ZNF169: variants seen among roughly 807,000 people sequenced by gnomAD.
ZNF169 encodes zinc finger protein 169.
In ZNF169, 11 loss-of-function variants were observed where a neutral mutation model predicts 12.0. That is an observed-to-expected ratio of 0.92 (90% confidence interval 0.58 to 1.52). The LOEUF (loss-of-function observed/expected upper bound fraction) is 1.52, where lower values mean the gene tolerates loss of function less well. ZNF169 is among the 40% of genes most tolerant of loss of function. The probability of loss-of-function intolerance (pLI) is 0.00; values close to 1 mark genes in which losing one functional copy is unlikely to be tolerated. For synonymous variants in ZNF169, 302 were observed against 286.5 expected (o/e 1.05, Z -0.55); for missense variants, 722 against 744.0 (o/e 0.97, Z 0.34).
chr9:94,286,323 G>T (rs1043976118), intron 2 of ZNF169, among the ~76,000 whole-genome samples: 4 of 152,090 alleles, frequency 2.6e-5, no homozygotes, highest in African/African-American at 9.6e-5. Flanking sequence ...ATTTTGTTTT[G>T]CATCCTTTCA....
intron 1 of ZNF169, among the ~76,000 whole-genome samples, chr9:94,261,098 G>T (rs1339127326): frequency 6.6e-6 from 1 of 151,496 alleles, no homozygotes; most frequent in African/African-American, 2.4e-5. Context: ...GTGGGGTGGC[G>T]CGGCGCGATC....
chr9:94,281,408 G>C (rs1367450740), intron 2 of ZNF169, among the ~76,000 whole-genome samples: 1 of 152,184 alleles, frequency 6.6e-6, no homozygotes, highest in Non-Finnish European at 1.5e-5. Context: ...AAGGGAGCTG[G>C]TAAGCACAAT....
intron 1 of ZNF169, among the ~76,000 whole-genome samples, chr9:94,277,241 T>C (rs997477483): frequency 1.3e-5 from 2 of 152,186 alleles, no homozygotes; most frequent in African/African-American, 2.4e-5. Flanking sequence ...AGATAAAGGA[T>C]TGTGGAGACC....
At chr9:94,284,836 GT>G (rs1267525658) in intron 2 of ZNF169, among the ~76,000 whole-genome samples, 2 of 151,954 alleles carry the variant, frequency 1.3e-5, no homozygotes, top group Non-Finnish European at 2.9e-5. Flanking sequence ...TATAGATTTA[GT>G]TCAATCAGAA....
intron 4 of ZNF169, 84 bp downstream of exon 4, chr9:94,293,153 C>G (rs747906518): frequency 7.7e-5 from 97 of 1,260,888 alleles, no homozygotes; most frequent in Non-Finnish European, 1.1e-4. Context: ...CTTTGAGGTG[C>G]TAGGAGGAAG....
intron 1 of ZNF169, among the ~76,000 whole-genome samples, chr9:94,260,582 A>G (rs1035717485): frequency 3.9e-5 from 6 of 151,984 alleles, no homozygotes; most frequent in African/African-American, 1.5e-4. Flanking sequence ...GGAGTTAGAC[A>G]TCCCTGGGTT....
intron 1 of ZNF169, among the ~76,000 whole-genome samples, chr9:94,263,757 A>T (rs1196610651): frequency 6.8e-6 from 1 of 147,560 alleles, no homozygotes; most frequent in Non-Finnish European, 1.5e-5. Flanking sequence ...GGTCTCTTTT[A>T]CTGTTTGTTT....
chr9:94,284,476 A>C (rs1375652881), intron 2 of ZNF169, among the ~76,000 whole-genome samples: 1 of 152,230 alleles, frequency 6.6e-6, no homozygotes, highest in African/African-American at 2.4e-5. Flanking sequence ...TGCACCAGGT[A>C]GCAATTTTTT....
intron 1 of ZNF169, among the ~76,000 whole-genome samples, chr9:94,272,997 A>G (rs991519678): frequency 2.0e-5 from 3 of 152,140 alleles, no homozygotes; most frequent in African/African-American, 4.8e-5. Context: ...ACATCTTTTC[A>G]TATGGTTCTT....
chr9:94,288,445 T>G, intron 2 of ZNF169: 1 of 1,100,900 alleles, frequency 9.1e-7, no homozygotes, highest in Admixed American at 1.7e-5. Context: ...CAATCCATTC[T>G]TCTCTTTTGT....
chr9:94,261,256 C>T (rs891916475), intron 1 of ZNF169, among the ~76,000 whole-genome samples: 5 of 152,086 alleles, frequency 3.3e-5, no homozygotes, highest in Non-Finnish European at 7.4e-5. Flanking sequence ...ATCTCCCGAC[C>T]TCGTGATCCG....
At chr9:94,262,030 C>G (rs1830216077) in intron 1 of ZNF169, among the ~76,000 whole-genome samples, 1 of 152,184 alleles carries the variant, frequency 6.6e-6, no homozygotes, top group South Asian at 2.1e-4. Flanking sequence ...AGATATTTGT[C>G]CACTACAAAG....
At chr9:94,272,319 T>C (rs901953287) in intron 1 of ZNF169, among the ~76,000 whole-genome samples, 1 of 152,160 alleles carries the variant, frequency 6.6e-6, no homozygotes, top group African/African-American at 2.4e-5. Flanking sequence ...ACGTAACATA[T>C]ATTTATCCTC....
chr9:94,298,593 C>T (rs929095780), intron 4 of ZNF169, among the ~76,000 whole-genome samples: 4 of 151,898 alleles, frequency 2.6e-5, no homozygotes, highest in Non-Finnish European at 5.9e-5. Context: ...AAAACTTAGC[C>T]GGGCATGGTG....
chr9:94,277,274 C>A (rs1830538879), intron 1 of ZNF169, among the ~76,000 whole-genome samples: 1 of 152,148 alleles, frequency 6.6e-6, no homozygotes, highest in Admixed American at 6.5e-5. Context: ...GCAGAGGAAG[C>A]TCTCAGATAG....
chr9:94,288,870 G>C (rs769775731), intron 2 of ZNF169, among the ~76,000 whole-genome samples: 7 of 151,996 alleles, frequency 4.6e-5, no homozygotes, highest in Non-Finnish European at 1.0e-4. Context: ...CTTTATAGCA[G>C]GGTCCCCTGA....
intron 1 of ZNF169, among the ~76,000 whole-genome samples, chr9:94,276,965 A>G (rs1394589050): frequency 6.6e-6 from 1 of 152,202 alleles, no homozygotes; most frequent in East Asian, 1.9e-4. Context: ...ATGAGTGACC[A>G]TGGCCCGTGA....
intron 4 of ZNF169, among the ~76,000 whole-genome samples, chr9:94,297,816 A>G (rs558784809): frequency 1.2e-4 from 19 of 152,306 alleles, no homozygotes; most frequent in Admixed American, 5.9e-4. Flanking sequence ...ACCCTGATTC[A>G]GTTTCTTGCT....
intron 4 of ZNF169, among the ~76,000 whole-genome samples, chr9:94,299,281 T>G (rs1396469230): frequency 6.6e-6 from 1 of 152,218 alleles, no homozygotes; most frequent in Non-Finnish European, 1.5e-5. Context: ...GCCTAAAGCC[T>G]ATTCCACACA....
Sources: gnomAD v4.1 joint callset for allele counts (sites outside exome capture counted in the v4.1 genomes callset) on GRCh38, gnomAD v4.1.1 for gene constraint, MANE v1.5 for transcripts, NCBI Gene and HGNC (gene_info 2026-07-23, HGNC 2026-07-21) for gene names.